The following GADL1 variants were observed in gnomAD, a reference collection of about 807,000 sequenced individuals.
GADL1 encodes the protein acidic amino acid decarboxylase GADL1.
A neutral mutation model predicts 69.5 loss-of-function variants in GADL1; 71 were observed. The ratio of observed to expected loss-of-function variants is 1.02; its 90% CI spans 0.84 to 1.25. The LOEUF (loss-of-function observed/expected upper bound fraction) is 1.25, where lower values mean the gene tolerates loss of function less well. Ranked by LOEUF, GADL1 falls within the 50% of genes most tolerant of loss-of-function variation. The pLI is 0.00. For missense variants in GADL1, 737 were observed against 631.8 expected, an observed-to-expected ratio of 1.17 and a Z score of -1.79; for synonymous variants, 254 against 214.4, an observed-to-expected ratio of 1.18 and a Z score of -1.62.
chr3:30,820,216 C>T (rs1310779248), intron 11 of GADL1, among the ~76,000 whole-genome samples: 1 of 151,576 alleles, frequency 6.6e-6, no homozygotes, highest in Non-Finnish European at 1.5e-5. Context: ...GATAGAATTA[C>T]CTTATTTGAT....
At chr3:30,808,518 T>TG (rs1697297132) in intron 11 of GADL1, among the ~76,000 whole-genome samples, 1 of 146,398 alleles carries the variant, frequency 6.8e-6, no homozygotes, top group Admixed American at 6.8e-5. Context: ...AAAATGAGGA[T>TG]ATCATTCAAA....
intron 11 of GADL1, among the ~76,000 whole-genome samples, chr3:30,820,549 C>G (rs1697554628): frequency 6.6e-6 from 1 of 152,058 alleles, no homozygotes; most frequent in Non-Finnish European, 1.5e-5. Context: ...TTACATCAGC[C>G]TTAGCAGTTA....
intron 11 of GADL1, among the ~76,000 whole-genome samples, chr3:30,805,733 CCT>C (rs1491466250): frequency 4.0e-5 from 3 of 75,686 alleles, no homozygotes; most frequent in African/African-American, 2.4e-4. Flanking sequence ...CAGTCCCCAG[CCT>C]TTTTTTTTTT....
At chr3:30,879,326 C>T (rs1229232973) in intron 1 of GADL1, among the ~76,000 whole-genome samples, 1 of 151,878 alleles carries the variant, frequency 6.6e-6, no homozygotes, top group Non-Finnish European at 1.5e-5. Flanking sequence ...ATAGCTTTTG[C>T]CTTCATCCTC....
chr3:30,844,066 C>G, intron 8 of GADL1, 144 bp downstream of exon 8: 2 of 657,428 alleles, frequency 3.0e-6, no homozygotes, highest in Non-Finnish European at 5.3e-6. Flanking sequence ...ATTTTAATTC[C>G]AACATTCTCT....
intron 1 of GADL1, among the ~76,000 whole-genome samples, chr3:30,874,661 A>G (rs888093004): frequency 4.6e-5 from 7 of 151,960 alleles, no homozygotes; most frequent in Admixed American, 3.9e-4. Context: ...CACCACTCGT[A>G]AGCATCTAGA....
chr3:30,803,503 T>C (rs577879416), intron 11 of GADL1, among the ~76,000 whole-genome samples: 3 of 152,306 alleles, frequency 2.0e-5, no homozygotes, highest in Admixed American at 6.5e-5. Flanking sequence ...GAGCAAGTTT[T>C]AGGGGCCTAT....
chr3:30,751,189 G>T (rs1695806403), intron 14 of GADL1, among the ~76,000 whole-genome samples: 1 of 151,986 alleles, frequency 6.6e-6, no homozygotes, highest in Non-Finnish European at 1.5e-5. Flanking sequence ...TCTGATTGAG[G>T]GCCAAGCCTC....
chr3:30,764,375 ATTCTC>A (rs1696217839), intron 14 of GADL1, among the ~76,000 whole-genome samples: 1 of 152,188 alleles, frequency 6.6e-6, no homozygotes, highest in South Asian at 2.1e-4. Context: ...TTAAAACATA[ATTCTC>A]TTGAGTTATG....
intron 14 of GADL1, among the ~76,000 whole-genome samples, chr3:30,749,419 C>T (rs1029767636): frequency 6.6e-6 from 1 of 152,182 alleles, no homozygotes; most frequent in African/African-American, 2.4e-5. Context: ...TTTCTCTTTT[C>T]AACTCTTCTA....
chr3:30,760,975 A>AAAAATT (rs5847625), intron 14 of GADL1, among the ~76,000 whole-genome samples: 64,920 of 150,456 alleles, frequency 0.43, 13,910 homozygotes, highest in Non-Finnish European at 0.45. Context: ...ATGGCTAATA[A>AAAAATT]ATATTTACCT....
At chr3:30,827,125 T>G (rs1337218539) in intron 11 of GADL1, among the ~76,000 whole-genome samples, 1 of 151,916 alleles carries the variant, frequency 6.6e-6, no homozygotes, top group Non-Finnish European at 1.5e-5. Flanking sequence ...TAAAACACAT[T>G]GCCATTTGGT....
chr3:30,777,021 C>CAGTT (rs1448259608), intron 14 of GADL1, among the ~76,000 whole-genome samples: 2 of 152,180 alleles, frequency 1.3e-5, no homozygotes, highest in African/African-American at 2.4e-5. Context: ...TCACTGCAAA[C>CAGTT]AGTTAATCTC....
intron 11 of GADL1, among the ~76,000 whole-genome samples, chr3:30,831,139 A>G (rs1209794252): frequency 6.6e-6 from 1 of 151,904 alleles, no homozygotes; most frequent in African/African-American, 2.4e-5. Context: ...AATTTTTTCC[A>G]ATAACTCTTT....
At chr3:30,876,943 AAACT>A (rs1450126345) in intron 1 of GADL1, among the ~76,000 whole-genome samples, 6 of 151,892 alleles carry the variant, frequency 4.0e-5, no homozygotes, top group African/African-American at 1.4e-4. Flanking sequence ...ATCACCTTAC[AAACT>A]AACTAACCAC....
At chr3:30,886,521 G>A (rs1476328423) in intron 1 of GADL1, among the ~76,000 whole-genome samples, 2 of 152,136 alleles carry the variant, frequency 1.3e-5, no homozygotes, top group Non-Finnish European at 2.9e-5. Flanking sequence ...AAGGCCAAGG[G>A]ATGGGGAGTG....
In GADL1 at chr3:30,783,849, T is replaced by C. The variant is rs536934044; in HGVS notation, c.1302+2506A>G. 7.2e-5 allele frequency among the ~76,000 whole-genome samples: 11 copies of C among 152,254 alleles called. No homozygotes were observed. In the East Asian group the frequency reaches 2.1e-3, roughly 29 times the overall value. On this transcript the variant is annotated intron_variant, in intron 13 of 14. Coordinates refer to ENST00000282538, the MANE Select transcript of GADL1 (RefSeq NM_207359.3). ...GTTTGCAATTTCCTAATGACGATGG[T>C]AAGTGGTTTTTCTTTTCTAAGACTT...
chr3:30,795,319 AAAGAGTTACGATTATAGCTGG>A (rs1378791602), intron 12 of GADL1, among the ~76,000 whole-genome samples: 1 of 152,128 alleles, frequency 6.6e-6, no homozygotes, highest in Non-Finnish European at 1.5e-5. Context: ...TAGAAGACTG[AAAGAGTTACGATTATAGCTGG>A]AAGAGTTAAG....
intron 14 of GADL1, among the ~76,000 whole-genome samples, chr3:30,742,674 C>T (rs370727617): frequency 2.0e-5 from 3 of 151,932 alleles, no homozygotes; most frequent in East Asian, 1.9e-4. Flanking sequence ...CCAGACGTTC[C>T]TAATTTGTTA....
Sources: allele counts gnomAD v4.1 joint callset (sites outside exome capture counted in the v4.1 genomes callset), GRCh38; gene constraint gnomAD v4.1.1; transcripts MANE v1.5; gene names NCBI Gene and HGNC (gene_info 2026-07-23, HGNC 2026-07-21).